Variants in SPHKAP observed in about 807,000 individuals in gnomAD.
SPHKAP encodes the protein SPHK1 interactor, AKAP domain containing.
A neutral mutation model predicts 137.5 loss-of-function variants in SPHKAP; 67 were observed. The observed-to-expected ratio is 0.49, with a 90% confidence interval of 0.40 to 0.60. The LOEUF is 0.60. Ranked by LOEUF, SPHKAP falls within the 20% of genes least tolerant of loss-of-function variation. The pLI, the probability that SPHKAP is intolerant of heterozygous loss-of-function variation, is 0.00. For missense variants in SPHKAP, 2,097 were observed against 2,069.3 expected, an observed-to-expected ratio of 1.01 and a Z score of -0.26; for synonymous variants, 813 against 785.3, an observed-to-expected ratio of 1.04 and a Z score of -0.59.
chr2:228,011,612 A>G (rs1332693799), intron 7 of SPHKAP, among the ~76,000 whole-genome samples: 1 of 152,182 alleles, frequency 6.6e-6, no homozygotes, highest in Non-Finnish European at 1.5e-5. Context: ...TTCTGTTTCC[A>G]TCTCTCCAGA....
intron 7 of SPHKAP, among the ~76,000 whole-genome samples, chr2:228,002,057 T>A (rs573493679): frequency 6.6e-6 from 1 of 152,346 alleles, no homozygotes; most frequent in East Asian, 1.9e-4. Context: ...TATAGCAGCA[T>A]GATTTATAAT....
chr2:228,071,053 G>C (rs531144266), intron 3 of SPHKAP, among the ~76,000 whole-genome samples: 53 of 152,230 alleles, frequency 3.5e-4, no homozygotes, highest in Admixed American at 2.6e-4. Context: ...TCCAGAAGAA[G>C]GGACCTCATT....
At position 228,122,282 on chromosome 2, in the gene SPHKAP, C is replaced by G. The variant is rs76583432; in HGVS notation, c.138+9698G>C. ...GCTATTTGAAGTTTTCAGAGTCCCC[C>G]CTTTTGATTTTTTTTTAAAAAGAAA... On this transcript the variant is annotated intron_variant, in intron 2 of 11. Coordinates refer to ENST00000392056, the MANE Select transcript of SPHKAP (RefSeq NM_001142644.2). Among the ~76,000 whole-genome samples, 198 of 152,166 alleles carry G rather than the reference C, an allele frequency of 1.3e-3. 5 individuals carry two copies. In the East Asian group the frequency reaches 0.017, roughly 13 times the overall value.
At chr2:228,173,063 C>T (rs13405360) in intron 1 of SPHKAP, 121,306 of 984,626 alleles carry the variant, frequency 0.12, 7,627 homozygotes, top group East Asian at 0.2. Context: ...CCAGGTCCAT[C>T]CTGATCTGGT....
In SPHKAP at chr2:228,108,860, A is replaced by G. The variant is rs1263251849; in HGVS notation, c.218T>C (p.Val73Ala). 1 of 1,610,472 alleles carries G rather than the reference A, an allele frequency of 6.2e-7. No individual in the cohort carries two copies. Among genetic ancestry groups the G allele is most frequent in the Non-Finnish European group, 8.5e-7 (1 of 1,179,196 alleles). ...NQRMPCQIGFVEDKSENCASV... is the reference protein window; with the variant it reads ...NQRMPCQIGFAEDKSENCASV... ...AGCACAGTTTTCAGACTTGTCTTCT[A>G]CAAAACCAATTTGGCAGGGCATCCT... Residue 73 changes from valine to alanine, a missense_variant, in exon 3 of 12, where the codon GTA becomes GCA. Physicochemically the swap from Val to Ala is moderately conservative, Grantham distance 64 (BLOSUM62 0). Coordinates refer to ENST00000392056, the MANE Select transcript of SPHKAP (RefSeq NM_001142644.2).
chr2:228,180,937 G>A (rs1197733089), intron 1 of SPHKAP, among the ~76,000 whole-genome samples: 2 of 152,154 alleles, frequency 1.3e-5, no homozygotes, highest in Non-Finnish European at 2.9e-5. Context: ...CGGTGTGGGG[G>A]ACGAGCAAAA....
At chr2:228,122,199 G>C (rs2106364005) in intron 2 of SPHKAP, among the ~76,000 whole-genome samples, 1 of 152,274 alleles carries the variant, frequency 6.6e-6, no homozygotes, top group African/African-American at 2.4e-5. Flanking sequence ...CAGAAAAACA[G>C]ATCACTTGCC....
chr2:228,169,445 AT>A (rs1199527613), intron 1 of SPHKAP, among the ~76,000 whole-genome samples: 51 of 152,246 alleles, frequency 3.3e-4, no homozygotes, highest in African/African-American at 1.2e-3. Context: ...CTTAAGATTT[AT>A]GATAAATCTA....
At chr2:227,993,129 C>T (rs574230088) in intron 9 of SPHKAP, among the ~76,000 whole-genome samples, 1 of 152,168 alleles carries the variant, frequency 6.6e-6, no homozygotes, top group South Asian at 2.1e-4. Flanking sequence ...TAGTGATAAT[C>T]CCAGGTTTCT....
intron 3 of SPHKAP, among the ~76,000 whole-genome samples, chr2:228,106,240 A>G (rs1329809478): frequency 1.3e-5 from 2 of 152,224 alleles, no homozygotes; most frequent in East Asian, 1.9e-4. Context: ...TGCTACCTCT[A>G]ACATACTGAG....
chr2:228,050,000 A>G (rs775696725), intron 3 of SPHKAP, among the ~76,000 whole-genome samples: 1 of 152,184 alleles, frequency 6.6e-6, no homozygotes, highest in Non-Finnish European at 1.5e-5. Flanking sequence ...ACAAGAAAAA[A>G]CAAATAACCC....
intron 7 of SPHKAP, among the ~76,000 whole-genome samples, chr2:228,009,834 A>C (rs1694298584): frequency 6.6e-6 from 1 of 152,160 alleles, no homozygotes; most frequent in African/African-American, 2.4e-5. Flanking sequence ...TCTACTAAGT[A>C]CTGTGTGTAT....
intron 1 of SPHKAP, among the ~76,000 whole-genome samples, chr2:228,144,991 C>T (rs1358376420): frequency 6.6e-6 from 1 of 152,148 alleles, no homozygotes. Flanking sequence ...GTTTATGAGT[C>T]TATGTGTTGC....
In SPHKAP at chr2:228,018,531, T is replaced by G. The variant is rs557599051; in HGVS notation, c.2323A>C (p.Ser775Arg). ...ACAAGACTCGTGTTGTGTGAATTGC[T>G]AAGTGGAGAGCTGCTGGAGGATTCA... is the stretch of plus-strand genomic sequence containing the variant. The part of the protein sequence containing the change: ...ATESSSSSPL[S>R]NSHNTSLVIN... Residue 775 changes from serine (S) to arginine (R), a missense_variant, in exon 7 of 12, where the codon AGC becomes CGC. Physicochemically the swap from Ser to Arg is moderately radical, Grantham distance 110. Coordinates refer to ENST00000392056, the MANE Select transcript of SPHKAP (RefSeq NM_001142644.2). 1 of 1,614,160 alleles carries G rather than the reference T, an allele frequency of 6.2e-7. No individual in the cohort carries two copies. The highest frequency in any genetic ancestry group is 1.1e-5 in the South Asian group (1 of 91,068).
rs1025224964 is a variant in SPHKAP, at chr2:228,098,628, G to A, written c.246+10204C>T. On this transcript the variant is annotated intron_variant, in intron 3 of 11. Coordinates refer to ENST00000392056, the MANE Select transcript of SPHKAP (RefSeq NM_001142644.2). ...GGCCTGTTGTGGGGTGGTGGGGTGG[G>A]GGAGGGATAGCATTAGGAGATATAC... Among the ~76,000 whole-genome samples, 14 of 152,204 alleles carry A rather than the reference G, an allele frequency of 9.2e-5. No individual in the cohort carries two copies. The East Asian group carries it at 2.7e-3, about 29-fold the overall frequency.
Position 228,027,973 on chromosome 2 carries a change from AAAAG to A in SPHKAP, c.247-434_247-431del, listed in dbSNP as rs1290946145. On this transcript the variant is annotated intron_variant, in intron 3 of 11. Transcript: ENST00000392056. ...GAGACTGCATCTGAAAAAAAAAAAA[AAAAG>A]AAAAAAGAAAAAAAGAAATAGTAAT... 3.2e-5 allele frequency: 31 copies of A among 972,384 alleles called. No homozygotes were observed. The Admixed American group carries it at 5.0e-4, about 16-fold the overall frequency. The allele number at this position is 972,384 out of a possible 1,614,324, so 60.2% of individuals were successfully genotyped here.
At chr2:228,126,601 A>G (rs1055625249) in intron 2 of SPHKAP, among the ~76,000 whole-genome samples, 6 of 152,214 alleles carry the variant, frequency 3.9e-5, no homozygotes, top group Non-Finnish European at 7.3e-5. Context: ...TATTTTGTAT[A>G]CCAAAGCACT....
At chr2:228,068,013 G>T (rs1308062529) in intron 3 of SPHKAP, among the ~76,000 whole-genome samples, 1 of 152,080 alleles carries the variant, frequency 6.6e-6, no homozygotes, top group Non-Finnish European at 1.5e-5. Flanking sequence ...TATTAGAATT[G>T]ACAAATTCAG....
chr2:228,142,140 A>C (rs1699624743), intron 1 of SPHKAP, among the ~76,000 whole-genome samples: 1 of 152,148 alleles, frequency 6.6e-6, no homozygotes, highest in Admixed American at 6.6e-5. Context: ...CAGTCATATG[A>C]AATAGTATAA....
Sources: allele counts gnomAD v4.1 joint callset (sites outside exome capture counted in the v4.1 genomes callset), GRCh38; gene constraint gnomAD v4.1.1; transcripts MANE v1.5; gene names NCBI Gene and HGNC (gene_info 2026-07-23, HGNC 2026-07-21).